COL24A1: variants seen among roughly 807,000 people sequenced by gnomAD.
COL24A1 encodes the protein collagen type XXIV alpha 1 chain, also known as collagen alpha-1(XXIV) chain.
A neutral mutation model predicts 253.9 loss-of-function variants in COL24A1; 224 were observed. That is an observed-to-expected ratio of 0.88 (90% CI 0.79 to 0.99). The LOEUF (loss-of-function observed/expected upper bound fraction) is 0.99, where lower values mean the gene tolerates loss of function less well. Ranked by LOEUF, COL24A1 falls within the 50% of genes least tolerant of loss-of-function variation. COL24A1 has a pLI of 0.00. For missense variants in COL24A1, 2,131 were observed against 2,068.5 expected (o/e 1.03, Z -0.59); for synonymous variants, 685 against 673.7 (o/e 1.02, Z -0.26).
intron 20 of COL24A1, among the ~76,000 whole-genome samples, chr1:85,972,604 T>C (rs1692280792): frequency 6.6e-6 from 1 of 151,980 alleles, no homozygotes; most frequent in African/African-American, 2.4e-5. Context: ...AAAAGCACCC[T>C]AATTTTCCTT....
intron 32 of COL24A1, among the ~76,000 whole-genome samples, chr1:85,881,669 C>A (rs113053017): frequency 5.9e-5 from 9 of 152,120 alleles, no homozygotes; most frequent in African/African-American, 1.9e-4. Context: ...CTCATAATAT[C>A]CATTTATTGT....
At chr1:86,005,910 G>A (rs1304061882) in intron 19 of COL24A1, among the ~76,000 whole-genome samples, 1 of 152,120 alleles carries the variant, frequency 6.6e-6, no homozygotes, top group African/African-American at 2.4e-5. Flanking sequence ...CTGACTTCTT[G>A]TATACCAAGA....
intron 47 of COL24A1, among the ~76,000 whole-genome samples, chr1:85,792,669 C>T (rs1670414693): frequency 6.6e-6 from 1 of 151,820 alleles, no homozygotes; most frequent in South Asian, 2.1e-4. Flanking sequence ...GATCATGCCA[C>T]TGCACTCTAG....
intron 5 of COL24A1, among the ~76,000 whole-genome samples, chr1:86,102,098 CT>C (rs761666798): frequency 1.3e-5 from 2 of 151,540 alleles, no homozygotes; most frequent in Non-Finnish European, 2.9e-5. Context: ...AATGCAATTT[CT>C]TCTGGGTTCA....
At chr1:85,756,857 G>A (rs1666320252) in intron 55 of COL24A1, among the ~76,000 whole-genome samples, 1 of 152,188 alleles carries the variant, frequency 6.6e-6, no homozygotes, top group African/African-American at 2.4e-5. Context: ...GTATTACATG[G>A]ACTATTATTC....
At chr1:85,920,566 C>A (rs1165496639) in intron 24 of COL24A1, among the ~76,000 whole-genome samples, 2 of 151,976 alleles carry the variant, frequency 1.3e-5, no homozygotes, top group Non-Finnish European at 2.9e-5. Context: ...GGAATATAAT[C>A]ATATCTAGAC....
At position 86,059,135 on chromosome 1, in the gene COL24A1, A is replaced by G. The variant is rs1700877416; in HGVS notation, c.1792T>C (p.Tyr598His). Residue 598 changes from tyrosine (Y) to histidine (H), a missense_variant, in exon 9 of 60, where the codon TAC becomes CAC. Tyr to His is a moderately conservative substitution (Grantham distance 83). Transcript: ENST00000370571. ...AGTTACTGCACCTGCCTGCCAGGGT[A>G]ACCGGGTGAACCAATATTACCAGCA... ...GFAGNIGSPGYPGRQGLAGPE... is the reference protein window; with the variant it reads ...GFAGNIGSPGHPGRQGLAGPE... 1 of 1,611,078 alleles carries G rather than the reference A, an allele frequency of 6.2e-7. No homozygotes were observed. Among genetic ancestry groups the G allele is most frequent in the South Asian group, 1.1e-5 (1 of 90,702 alleles).
intron 7 of COL24A1, among the ~76,000 whole-genome samples, chr1:86,082,287 T>C (rs1273015959): frequency 1.3e-5 from 2 of 152,176 alleles, no homozygotes; most frequent in Non-Finnish European, 2.9e-5. Flanking sequence ...AGTCCTTCAA[T>C]ACTCCTCAAG....
rs1678148401 is a variant in COL24A1, at chr1:85,854,198, C to G, written c.3301-4792G>C. On this transcript the variant is annotated intron_variant, in intron 37 of 59. Coordinates refer to ENST00000370571, the MANE Select transcript of COL24A1 (RefSeq NM_152890.7). Reference sequence around the variant, plus strand: ...TCTGCATATGGCTAGCCAGTTATCCCAGCACCATCTACTGAATAGGGTAAA... The same window carrying G: ...TCTGCATATGGCTAGCCAGTTATCCGAGCACCATCTACTGAATAGGGTAAA... 2.6e-5 allele frequency among the ~76,000 whole-genome samples: 4 copies of G among 152,142 alleles called. No individual in the cohort carries two copies. The South Asian group carries it at 8.3e-4, about 32-fold the overall frequency.
At chr1:85,960,005 T>C (rs570120850) in intron 24 of COL24A1, among the ~76,000 whole-genome samples, 1 of 152,118 alleles carries the variant, frequency 6.6e-6, no homozygotes, top group Non-Finnish European at 1.5e-5. Context: ...CTTGAAACTT[T>C]CCCAGAAAAA....
In COL24A1 at chr1:85,764,182, A is replaced by T. The variant is rs567916474; in HGVS notation, c.4375-2616T>A. 2.0e-5 allele frequency among the ~76,000 whole-genome samples: 3 copies of T among 152,082 alleles called. 1 individual carries two copies. The highest frequency in any genetic ancestry group is 4.4e-5 in the Non-Finnish European group (3 of 68,016). Reference sequence around the variant, plus strand: ...CTTCCATTGTAGGATGTTTAGCAGCATCCCTAGCTTCTACCCACTAGATGC... The same window carrying T: ...CTTCCATTGTAGGATGTTTAGCAGCTTCCCTAGCTTCTACCCACTAGATGC... On this transcript the variant is annotated intron_variant, in intron 53 of 59. Coordinates refer to ENST00000370571, the MANE Select transcript of COL24A1 (RefSeq NM_152890.7).
intron 13 of COL24A1, among the ~76,000 whole-genome samples, chr1:86,032,725 A>T (rs985775511): frequency 6.6e-6 from 1 of 152,154 alleles, no homozygotes; most frequent in Non-Finnish European, 1.5e-5. Context: ...CAGTAAACTA[A>T]ATATATCCAG....
chr1:85,868,489 G>A (rs1303061748), intron 37 of COL24A1, 30 bp downstream of exon 37: 2 of 1,486,744 alleles, frequency 1.3e-6, no homozygotes, highest in East Asian at 2.3e-5. Context: ...AATTCACTTA[G>A]TATTTGAAAG....
chr1:86,129,562 G>A (rs892068731), intron 2 of COL24A1, among the ~76,000 whole-genome samples: 2 of 151,480 alleles, frequency 1.3e-5, no homozygotes, highest in Admixed American at 6.6e-5. Context: ...CCTGAGTGCT[G>A]CTTTAGCTGC....
intron 31 of COL24A1, among the ~76,000 whole-genome samples, chr1:85,894,470 G>A (rs1281753168): frequency 6.6e-6 from 1 of 151,978 alleles, no homozygotes; most frequent in African/African-American, 2.4e-5. Context: ...AACAATGAAT[G>A]ACCTATATTT....
In COL24A1 at chr1:85,964,988, TAA is replaced by T. The variant is rs1558823916; in HGVS notation, c.2517+19_2517+20del. The T allele has an allele frequency of 2.5e-6, 4 of 1,591,668 alleles. No homozygotes were observed. The highest frequency in any genetic ancestry group is 3.4e-6 in the Non-Finnish European group (4 of 1,165,100). Reference sequence around the variant, plus strand: ...TCTGAAAATTATATTTTAAAACTGATAATAAAGTCAGTTGCTTTACCTTTAAG... The same window carrying T: ...TCTGAAAATTATATTTTAAAACTGATTAAAGTCAGTTGCTTTACCTTTAAG... On this transcript the variant is annotated intron_variant, in intron 23 of 59. Transcript: ENST00000370571.
At chr1:85,774,997 C>A (rs938375374) in intron 53 of COL24A1, among the ~76,000 whole-genome samples, 1 of 152,068 alleles carries the variant, frequency 6.6e-6, no homozygotes, top group Admixed American at 6.6e-5. Flanking sequence ...TGCTTTCTCT[C>A]GTGGGCATTT....
At chr1:85,829,336 C>T (rs1218695449) in intron 43 of COL24A1, among the ~76,000 whole-genome samples, 2 of 151,634 alleles carry the variant, frequency 1.3e-5, no homozygotes, top group African/African-American at 4.8e-5. Flanking sequence ...CCCGACCTTT[C>T]TCTCTGGCTG....
At chr1:86,039,872 C>A (rs1699321811) in intron 12 of COL24A1, among the ~76,000 whole-genome samples, 1 of 152,134 alleles carries the variant, frequency 6.6e-6, no homozygotes, top group South Asian at 2.1e-4. Flanking sequence ...ATGATCTAAT[C>A]TTTTCACCCT....
Sources: gnomAD v4.1 joint callset for allele counts (sites outside exome capture counted in the v4.1 genomes callset) on GRCh38, gnomAD v4.1.1 for gene constraint, MANE v1.5 for transcripts, NCBI Gene and HGNC (gene_info 2026-07-23, HGNC 2026-07-21) for gene names.